The following RSPRY1 variants were observed in gnomAD, a reference collection of about 807,000 sequenced individuals.
RSPRY1 encodes the protein ring finger and SPRY domain containing 1.
RSPRY1 carries 23 observed loss-of-function variants against 73.1 expected under a neutral mutation model. The ratio of observed to expected loss-of-function variants is 0.31; its 90% CI spans 0.23 to 0.45. The LOEUF (loss-of-function observed/expected upper bound fraction) is 0.45, where lower values mean the gene tolerates loss of function less well. RSPRY1 is among the 20% of genes least tolerant of loss of function. The pLI, the probability that RSPRY1 is intolerant of heterozygous loss-of-function variation, is 1.00. For missense variants in RSPRY1, 448 were observed against 698.7 expected (o/e 0.64, Z 4.05); for synonymous variants, 226 against 251.4 (o/e 0.90, Z 0.95).
At chr16:57,216,426 TA>T (rs1369466876) in intron 7 of RSPRY1, 28 of 445,574 alleles carry the variant, frequency 6.3e-5, no homozygotes, top group African/African-American at 4.9e-4. Flanking sequence ...ATGTGATTGC[TA>T]GTTTCTAGAA....
intron 14 of RSPRY1, among the ~76,000 whole-genome samples, chr16:57,236,107 C>T (rs1452103510): frequency 6.6e-6 from 1 of 152,198 alleles, no homozygotes; most frequent in Non-Finnish European, 1.5e-5. Flanking sequence ...CCCAGAATTT[C>T]TCAGTTTGAG....
intron 1 of RSPRY1, among the ~76,000 whole-genome samples, chr16:57,187,451 AC>A (rs1212522928): frequency 1.3e-5 from 2 of 152,166 alleles, no homozygotes; most frequent in Admixed American, 6.5e-5. Context: ...TCTGTTATCG[AC>A]TGAGTAGAAT....
intron 9 of RSPRY1, 34 bp from the exon 10 acceptor site, chr16:57,221,238 C>T: frequency 6.2e-7 from 1 of 1,610,984 alleles, no homozygotes. Flanking sequence ...TTCAGGCCCT[C>T]ATAGTTGATT....
chr16:57,190,192 AC>A (rs1371843932), intron 1 of RSPRY1, among the ~76,000 whole-genome samples: 1 of 151,890 alleles, frequency 6.6e-6, no homozygotes, highest in Non-Finnish European at 1.5e-5. Context: ...ACATGGCAAA[AC>A]CCCATCTCTA....
intron 14 of RSPRY1, among the ~76,000 whole-genome samples, chr16:57,237,283 A>G (rs1277327389): frequency 2.6e-5 from 4 of 151,940 alleles, no homozygotes; most frequent in Non-Finnish European, 5.9e-5. Flanking sequence ...AGCTTGGATT[A>G]CAGGCGCATG....
intron 8 of RSPRY1, 136 bp downstream of exon 8, chr16:57,217,171 T>C: frequency 1.1e-6 from 1 of 914,154 alleles, no homozygotes; most frequent in East Asian, 2.4e-5. Context: ...TTGGATATAT[T>C]CTAGCAGAAA....
intron 1 of RSPRY1, among the ~76,000 whole-genome samples, chr16:57,192,349 G>A (rs532159529): frequency 5.9e-5 from 9 of 152,246 alleles, no homozygotes; most frequent in African/African-American, 2.2e-4. Flanking sequence ...AAAACCACAA[G>A]TACTACGGAA....
intron 14 of RSPRY1, among the ~76,000 whole-genome samples, chr16:57,236,021 A>G (rs1485627388): frequency 1.3e-5 from 2 of 152,144 alleles, no homozygotes; most frequent in African/African-American, 2.4e-5. Context: ...TTTCACCCTT[A>G]GCTATACCAG....
intron 3 of RSPRY1, among the ~76,000 whole-genome samples, chr16:57,208,386 A>T (rs2074768323): frequency 1.1e-5 from 1 of 88,962 alleles, no homozygotes; most frequent in Non-Finnish European, 2.0e-5. Flanking sequence ...TTATATATAT[A>T]TATATATATA....
intron 4 of RSPRY1, among the ~76,000 whole-genome samples, chr16:57,211,858 C>T (rs1243474240): frequency 1.3e-5 from 2 of 152,052 alleles, no homozygotes; most frequent in Non-Finnish European, 2.9e-5. Flanking sequence ...GGATTACAGG[C>T]ATGAGCCACT....
chr16:57,187,533 T>C (rs180675440), intron 1 of RSPRY1, among the ~76,000 whole-genome samples: 2 of 152,334 alleles, frequency 1.3e-5, no homozygotes, highest in African/African-American at 4.8e-5. Context: ...TCCTTAAGTC[T>C]CTACTGTAAA....
intron 1 of RSPRY1, among the ~76,000 whole-genome samples, chr16:57,190,293 T>C (rs1304097324): frequency 6.6e-6 from 1 of 152,096 alleles, no homozygotes; most frequent in Non-Finnish European, 1.5e-5. Flanking sequence ...CTCTTGAGCC[T>C]GGGAGGTTGA....
chr16:57,204,094 CA>C (rs1236710140), intron 1 of RSPRY1, among the ~76,000 whole-genome samples: 2 of 151,986 alleles, frequency 1.3e-5, no homozygotes, highest in Non-Finnish European at 2.9e-5. Context: ...GGAGTTAATT[CA>C]TTTTTTTAAA....
chr16:57,214,025 G>A lies in RSPRY1; in HGVS notation c.702+79G>A, dbSNP rs946180569. The stretch of plus-strand genomic sequence containing the variant: ...CTAGAACTGTGCATTTTCTCAAATT[G>A]CTGGCATAGCCACTGGCACAGAGAA... On this transcript the variant is annotated intron_variant, in intron 6 of 14. Transcript: ENST00000394420. 3.2e-5 allele frequency: 30 copies of A among 944,746 alleles called. No homozygotes were observed. In the Admixed American group the frequency reaches 5.2e-4, roughly 16 times the overall value. 58.5% of individuals were successfully genotyped at this position (944,746 alleles called of 1,614,324 possible). A position where few individuals can be genotyped will look rare whatever the true frequency, so the allele number is the denominator to read the frequency against.
At position 57,213,111 on chromosome 16, in the gene RSPRY1, C is replaced by A; in HGVS notation, c.643+13C>A. On this transcript the variant is annotated intron_variant, in intron 5 of 14. Transcript: ENST00000394420. ...GAGAAACTAGCAGGTAACTTTGGGA[C>A]ACTCCACAGTGGAAGATCTTAAGTT... The A allele has an allele frequency of 6.2e-7, 1 of 1,609,142 alleles. No homozygotes were observed. Among genetic ancestry groups the A allele is most frequent in the Non-Finnish European group, 8.5e-7 (1 of 1,177,658 alleles).
intron 8 of RSPRY1, among the ~76,000 whole-genome samples, chr16:57,218,448 A>G (rs2074975551): frequency 6.6e-6 from 1 of 152,058 alleles, no homozygotes; most frequent in Admixed American, 6.6e-5. Flanking sequence ...CATTCTATCT[A>G]GCTATATTCC....
intron 10 of RSPRY1, among the ~76,000 whole-genome samples, chr16:57,226,907 G>C (rs1185419048): frequency 6.6e-6 from 1 of 152,146 alleles, no homozygotes; most frequent in African/African-American, 2.4e-5. Flanking sequence ...TGACAATCTT[G>C]TGCTGATATA....
Position 57,216,193 on chromosome 16 carries a change from G to A in RSPRY1, c.769+20G>A, listed in dbSNP as rs761444090. 1.3e-6 allele frequency: 2 copies of A among 1,561,430 alleles called. No homozygotes were observed. Among genetic ancestry groups the A allele is most frequent in the Admixed American group, 3.4e-5 (2 of 59,452 alleles). On this transcript the variant is annotated intron_variant, in intron 7 of 14. Coordinates refer to ENST00000394420, the MANE Select transcript of RSPRY1 (RefSeq NM_133368.3). ...AGACAAGTAGGTATAGTGACTTCTTGCACTAATGATCTTCTGTATTGGTTG... is the reference window on the plus strand; with the variant it reads ...AGACAAGTAGGTATAGTGACTTCTTACACTAATGATCTTCTGTATTGGTTG...
chr16:57,208,571 CTGT>C (rs2074775534), intron 3 of RSPRY1, among the ~76,000 whole-genome samples: 1 of 151,408 alleles, frequency 6.6e-6, no homozygotes, highest in Non-Finnish European at 1.5e-5. Context: ...AGCAATTTTT[CTGT>C]TGTTTGTAGA....
Sources: gnomAD v4.1 joint callset for allele counts (sites outside exome capture counted in the v4.1 genomes callset) on GRCh38, gnomAD v4.1.1 for gene constraint, MANE v1.5 for transcripts, NCBI Gene and HGNC (gene_info 2026-07-23, HGNC 2026-07-21) for gene names.